OLAH: variants seen among roughly 807,000 people sequenced by gnomAD.
OLAH encodes the protein oleoyl-ACP hydrolase.
Under a neutral mutation model 27.8 loss-of-function variants are expected in OLAH, and 33 were observed. The ratio of observed to expected loss-of-function variants is 1.19; its 90% CI spans 0.90 to 1.59. The LOEUF is 1.59. Among genes scored for constraint, OLAH ranks in the 40% most tolerant of loss-of-function variants. OLAH has a pLI of 0.00. For synonymous variants in OLAH, 120 were observed against 102.9 expected (o/e 1.17, Z -1.01); for missense variants, 359 against 310.8 (o/e 1.16, Z -1.17).
rs748079173 is a variant in OLAH at position 15,049,640 on chromosome 10, A to C, written c.38A>C (p.Glu13Ala). 1.9e-6 allele frequency: 3 copies of C among 1,580,754 alleles called. No homozygotes were observed. Among genetic ancestry groups the C allele is most frequent in the Non-Finnish European group, 2.6e-6 (3 of 1,165,806 alleles). ...TATTTGAATTTTCTCCCTAGGAATGAAAACATTTTCAACTGCTTATACAAA... is the reference window on the plus strand; with the variant it reads ...TATTTGAATTTTCTCCCTAGGAATGCAAACATTTTCAACTGCTTATACAAA... Reference protein sequence around the residue: ...RGDQPKRTRNENIFNCLYKNP... With the variant: ...RGDQPKRTRNANIFNCLYKNP... The change falls in exon 3 of 8, where the codon GAA (glutamate) becomes GCA (alanine). Residue 13 changes from glutamate (E) to alanine (A), a missense_variant. Transcript: ENST00000378228.
At chr10:15,057,395 CTTTTTTTT>C (rs10717821) in intron 3 of OLAH, among the ~76,000 whole-genome samples, 1 of 93,220 alleles carries the variant, frequency 1.1e-5, no homozygotes, top group African/African-American at 4.8e-5. Context: ...TATTTCTGGG[CTTTTTTTT>C]TTTTTTTTTT....
intron 4 of OLAH, 24 bp from the exon 5 acceptor site, chr10:15,064,379 C>T (rs1258200073): frequency 7.0e-7 from 1 of 1,428,498 alleles, no homozygotes; most frequent in South Asian, 1.2e-5. Context: ...CAGTTCTTGT[C>T]ATGTTTTTCT....
At chr10:15,050,092 T>C (rs772898157) in intron 3 of OLAH, among the ~76,000 whole-genome samples, 11 of 152,222 alleles carry the variant, frequency 7.2e-5, no homozygotes, top group Non-Finnish European at 1.0e-4. Context: ...TTCCCTTTTC[T>C]GCTTTTCTTT....
At chr10:15,046,264 T>G (rs1254105599) in intron 1 of OLAH, among the ~76,000 whole-genome samples, 3 of 150,602 alleles carry the variant, frequency 2.0e-5, no homozygotes, top group Admixed American at 1.3e-4. Flanking sequence ...GACAATCATT[T>G]GAACTTGAGC....
rs555935499 is a variant in OLAH at position 15,052,109 on chromosome 10, C to T, written c.163+2344C>T. Among the ~76,000 whole-genome samples, 49 of 152,222 alleles carry T rather than the reference C, an allele frequency of 3.2e-4. No individual in the cohort carries two copies. In the Middle Eastern group the frequency reaches 0.01, roughly 32 times the overall value. On this transcript the variant is annotated intron_variant, in intron 3 of 7. Coordinates refer to ENST00000378228, the MANE Select transcript of OLAH (RefSeq NM_001039702.3). ...ACTAGCTTGACCAACATGGTGAACC[C>T]TGTCTCTACTAAAAATACAGAAAAT... is the stretch of plus-strand genomic sequence containing the variant.
At chr10:15,049,898 T>C in intron 3 of OLAH, 133 bp downstream of exon 3, 1 of 798,654 alleles carries the variant, frequency 1.3e-6, no homozygotes, top group African/African-American at 1.8e-5. Flanking sequence ...TATGCTTCAA[T>C]AGGGTGACTT....
intron 1 of OLAH, among the ~76,000 whole-genome samples, chr10:15,045,016 C>T (rs1843987984): frequency 6.6e-6 from 1 of 152,162 alleles, no homozygotes; most frequent in Admixed American, 6.5e-5. Context: ...GTCCCACTCT[C>T]CCTCTTCTCT....
At chr10:15,039,455 T>C (rs533483437), upstream of OLAH, among the ~76,000 whole-genome samples, 1 of 152,252 alleles carries the variant, frequency 6.6e-6, no homozygotes, top group East Asian at 1.9e-4. Context: ...TGCATGCCTG[T>C]AATTCCAGCT....
chr10:15,041,578 AT>A (rs75974283), upstream of OLAH, among the ~76,000 whole-genome samples: 35,587 of 135,644 alleles, frequency 0.26, 4,481 homozygotes, highest in African/African-American at 0.35. Flanking sequence ...ATACCCAGCC[AT>A]TTTTTTTTTC....
intron 1 of OLAH, chr10:15,038,711 T>C (rs913040): frequency 0.27 from 40,921 of 152,076 alleles, 6,062 homozygotes; most frequent in East Asian, 0.49. Flanking sequence ...TTTTCCAGTA[T>C]AAATTACCCA....
chr10:15,064,759 G>A (rs1333992834), intron 5 of OLAH, among the ~76,000 whole-genome samples: 1 of 152,204 alleles, frequency 6.6e-6, no homozygotes, highest in Non-Finnish European at 1.5e-5. Context: ...CTGGGTTCAA[G>A]AGATTCTCCT....
chr10:15,060,688 A>G (rs1363406419), intron 3 of OLAH, among the ~76,000 whole-genome samples: 1 of 151,982 alleles, frequency 6.6e-6, no homozygotes, highest in Non-Finnish European at 1.5e-5. Context: ...TTTGTATTTA[A>G]TAACCGTTTA....
At position 15,073,319 on chromosome 10, in the gene OLAH, AT is replaced by A; in HGVS notation, c.*92del. On this transcript the variant is annotated 3_prime_UTR_variant, in exon 8 of 8. Transcript: ENST00000378228. Reference sequence around the variant, plus strand: ...TAGCTCAGTTTTATTCAGATTGGAAATTACACATTTTCTACTGTCAGGGAGA... The same window carrying A: ...TAGCTCAGTTTTATTCAGATTGGAAATACACATTTTCTACTGTCAGGGAGA... The A allele has an allele frequency of 1.2e-6, 1 of 850,524 alleles. No individual in the cohort carries two copies. Among genetic ancestry groups the A allele is most frequent in the Non-Finnish European group, 1.8e-6 (1 of 555,548 alleles). The allele number at this position is 850,524 out of a possible 1,614,324, so 52.7% of individuals were successfully genotyped here.
chr10:15,034,955 C>T (rs1299407419), intron 1 of OLAH, among the ~76,000 whole-genome samples: 4 of 152,026 alleles, frequency 2.6e-5, no homozygotes. Context: ...GTGCGCACCA[C>T]CACGCCCCAC....
In OLAH at chr10:15,050,360, C is replaced by T. The variant is rs190105662; in HGVS notation, c.163+595C>T. Among the ~76,000 whole-genome samples the T allele has an allele frequency of 2.2e-4, 33 of 151,826 alleles. 1 individual carries two copies. In the East Asian group the frequency reaches 5.8e-3, roughly 27 times the overall value. On this transcript the variant is annotated intron_variant, in intron 3 of 7. Coordinates refer to ENST00000378228, the MANE Select transcript of OLAH (RefSeq NM_001039702.3). ...TCGGCTCACTGCAATCTCCACCTCC[C>T]GGGTTCAGGTGACGCTTGTGCCTCA...
chr10:15,056,773 G>A (rs952892280), intron 3 of OLAH: 1 of 1,367,288 alleles, frequency 7.3e-7, no homozygotes, highest in Non-Finnish European at 9.4e-7. Flanking sequence ...TGGGACTACA[G>A]GCATACACCA....
Position 15,065,713 on chromosome 10 carries a change from C to T in OLAH, c.532C>T (p.Pro178Ser). The T allele has an allele frequency of 6.2e-7, 1 of 1,613,860 alleles. No individual in the cohort carries two copies. Reference sequence around the variant, plus strand: ...CAAGGAATTTGTGAAACAATGTAGTCCCATCATAAGGGCAGATCTGAACAT... The same window carrying T: ...CAAGGAATTTGTGAAACAATGTAGTTCCATCATAAGGGCAGATCTGAACAT... ...EAKEFVKQCS[P>S]IIRADLNIVR... The change falls in exon 6 of 8, where the codon CCC becomes TCC. Residue 178 changes from proline to serine, a missense_variant. Pro to Ser is a moderately conservative substitution (Grantham distance 74). Transcript: ENST00000378228.
At position 15,073,617 on chromosome 10, in the gene OLAH, T is replaced by TGG; in HGVS notation, c.*388_*389insGG. 1 of 138,246 alleles carries TGG rather than the reference T, an allele frequency of 7.2e-6. No individual in the cohort carries two copies. Among genetic ancestry groups the TGG allele is most frequent in the Non-Finnish European group, 1.5e-5 (1 of 66,688 alleles). 8.6% of individuals were successfully genotyped at this position (138,246 alleles called of 1,614,324 possible). A position where few individuals can be genotyped will look rare whatever the true frequency, so the allele number is the denominator to read the frequency against. ...GGAGCTTGCAGTGAACCGAGATCGC[T>TGG]CCACTGCACTCCAGCCTGGGTGACA... On this transcript the variant is annotated 3_prime_UTR_variant, in exon 8 of 8. Coordinates refer to ENST00000378228, the MANE Select transcript of OLAH (RefSeq NM_001039702.3).
chr10:15,042,806 G>A (rs988581942), upstream of OLAH, among the ~76,000 whole-genome samples: 1 of 145,752 alleles, frequency 6.9e-6, no homozygotes, highest in African/African-American at 2.5e-5. Context: ...TCTGGAACCA[G>A]ACTACTTGGA....
Sources: gnomAD v4.1 joint callset for allele counts (sites outside exome capture counted in the v4.1 genomes callset) on GRCh38, gnomAD v4.1.1 for gene constraint, MANE v1.5 for transcripts, NCBI Gene and HGNC (gene_info 2026-07-23, HGNC 2026-07-21) for gene names.